STON2: variants seen among roughly 807,000 people sequenced by gnomAD.
The protein encoded by STON2 is stonin-2.
STON2 carries 29 observed loss-of-function variants against 65.7 expected under a neutral mutation model. The ratio of observed to expected loss-of-function variants is 0.44; its 90% confidence interval spans 0.33 to 0.60. The LOEUF (loss-of-function observed/expected upper bound fraction) is 0.60. Ranked by LOEUF, STON2 falls within the 20% of genes least tolerant of loss-of-function variation. The pLI, the probability that STON2 is intolerant of heterozygous loss-of-function variation, is 0.03. For missense variants in STON2, 1,054 were observed against 1,118.1 expected (o/e 0.94, Z 0.82); for synonymous variants, 404 against 414.2 (o/e 0.98, Z 0.30).
At chr14:81,433,890 T>G (rs1210969976) in intron 1 of STON2, among the ~76,000 whole-genome samples, 1 of 152,214 alleles carries the variant, frequency 6.6e-6, no homozygotes, top group African/African-American at 2.4e-5. Flanking sequence ...ACCGTTAAAC[T>G]GACTGTAACA....
Position 81,267,419 on chromosome 14 carries a change from T to C in STON2, c.*995A>G. 1.0e-6 allele frequency: 1 copy of C among 985,422 alleles called. No individual in the cohort carries two copies. Among genetic ancestry groups the C allele is most frequent in the Non-Finnish European group, 1.2e-6 (1 of 829,932 alleles). The allele number at this position is 985,422 out of a possible 1,614,324, so 61.0% of individuals were successfully genotyped here. A position where few individuals can be genotyped will look rare whatever the true frequency, so the allele number is the denominator to read the frequency against. The stretch of plus-strand genomic sequence containing the variant: ...TTTAAAACAGCTTTAAAAATTATCT[T>C]TGCAGCTTAAATTTCCTATAAAGTT... On this transcript the variant is annotated 3_prime_UTR_variant, in exon 8 of 8. Coordinates refer to ENST00000614646, the MANE Select transcript of STON2 (RefSeq NM_001394390.1).
intron 2 of STON2, among the ~76,000 whole-genome samples, chr14:81,405,371 T>C (rs947210016): frequency 1.3e-5 from 2 of 152,128 alleles, no homozygotes; most frequent in African/African-American, 4.8e-5. Context: ...AATATTTTCC[T>C]TTAGTTCTTT....
intron 2 of STON2, 114 bp downstream of exon 2, chr14:81,398,181 G>C (rs1900418557): frequency 1.5e-6 from 1 of 674,036 alleles, no homozygotes; most frequent in Non-Finnish European, 2.4e-6. Context: ...GTGAGAAACT[G>C]ACCCTTTTTT....
At chr14:81,379,169 G>C (rs973714385) in intron 3 of STON2, among the ~76,000 whole-genome samples, 26 of 152,136 alleles carry the variant, frequency 1.7e-4, no homozygotes, top group African/African-American at 5.3e-4. Context: ...ATGTTAGCAA[G>C]GTATGCTTGT....
chr14:81,288,425 T>C (rs1364564029), intron 5 of STON2, among the ~76,000 whole-genome samples: 6 of 152,308 alleles, frequency 3.9e-5, no homozygotes, highest in Non-Finnish European at 8.8e-5. Flanking sequence ...AGCCTATTGC[T>C]CCTAAGCTAC....
At chr14:81,377,199 C>T (rs1899293995) in intron 3 of STON2, among the ~76,000 whole-genome samples, 1 of 152,174 alleles carries the variant, frequency 6.6e-6, no homozygotes, top group African/African-American at 2.4e-5. Flanking sequence ...CTTTGACAAC[C>T]ACTAATCTGT....
At chr14:81,334,499 T>C (rs1266097742) in intron 4 of STON2, among the ~76,000 whole-genome samples, 1 of 152,188 alleles carries the variant, frequency 6.6e-6, no homozygotes, top group Non-Finnish European at 1.5e-5. Context: ...CCTTTTATTA[T>C]TCTGAAGGTG....
At chr14:81,430,399 C>T (rs771799222) in intron 1 of STON2, among the ~76,000 whole-genome samples, 3 of 152,232 alleles carry the variant, frequency 2.0e-5, no homozygotes, top group Admixed American at 6.5e-5. Flanking sequence ...CAATACCATT[C>T]AGATGAACAT....
Position 81,286,097 on chromosome 14 carries a change from G to A in STON2, c.743-7358C>T, listed in dbSNP as rs113255949. 3.7e-3 allele frequency among the ~76,000 whole-genome samples: 562 copies of A among 152,030 alleles called. 6 individuals carry two copies. The highest frequency in any genetic ancestry group is 0.013 in the African/African-American group (529 of 41,462). On this transcript the variant is annotated intron_variant, in intron 5 of 7. Coordinates refer to ENST00000614646, the MANE Select transcript of STON2 (RefSeq NM_001394390.1). ...CAGGAGGTGAAGGTTGCAGTGAGCC[G>A]AGACTGCGCCACTGCACTCCAGCCT... is the stretch of plus-strand genomic sequence containing the variant.
chr14:81,400,478 CAA>C (rs5810028), upstream of STON2, among the ~76,000 whole-genome samples: 4 of 96,708 alleles, frequency 4.1e-5, no homozygotes, highest in Non-Finnish European at 7.6e-5. Flanking sequence ...CAGCACCCGT[CAA>C]AAAAAAAAAA....
At chr14:81,370,803 T>C (rs1898948042) in intron 4 of STON2, among the ~76,000 whole-genome samples, 185 bp downstream of exon 4, 1 of 152,242 alleles carries the variant, frequency 6.6e-6, no homozygotes, top group African/African-American at 2.4e-5. Context: ...GGATCCAATT[T>C]GTGTATACAT....
rs972083441 is a variant in STON2 at position 81,268,380 on chromosome 14, C to T, written c.*34G>A. 2.3e-6 allele frequency: 3 copies of T among 1,288,862 alleles called. No homozygotes were observed. The highest frequency in any genetic ancestry group is 3.0e-6 in the Non-Finnish European group (3 of 988,558). 79.8% of individuals were successfully genotyped at this position (1,288,862 alleles called of 1,614,324 possible). A position where few individuals can be genotyped will look rare whatever the true frequency, so the allele number is the denominator to read the frequency against. On this transcript the variant is annotated 3_prime_UTR_variant, in exon 8 of 8. Transcript: ENST00000614646. Reference sequence around the variant, plus strand: ...GACTCAGGAAGACACCCTATCATGACTCTGGGATCAGGATTCCTTGCCGCA... The same window carrying T: ...GACTCAGGAAGACACCCTATCATGATTCTGGGATCAGGATTCCTTGCCGCA...
At chr14:81,335,117 C>A (rs999182617) in intron 4 of STON2, among the ~76,000 whole-genome samples, 6 of 151,922 alleles carry the variant, frequency 3.9e-5, no homozygotes, top group Non-Finnish European at 8.8e-5. Context: ...CCACCTGCTT[C>A]GGCCTCCCAA....
At chr14:81,389,640 C>T (rs937847475) in intron 3 of STON2, among the ~76,000 whole-genome samples, 1 of 152,228 alleles carries the variant, frequency 6.6e-6, no homozygotes, top group Non-Finnish European at 1.5e-5. Context: ...TGGCCCACAG[C>T]TAGGTGGCCA....
At chr14:81,393,466 C>T (rs1373517851) in intron 3 of STON2, among the ~76,000 whole-genome samples, 1 of 152,130 alleles carries the variant, frequency 6.6e-6, no homozygotes, top group Non-Finnish European at 1.5e-5. Context: ...ACAGGGCATC[C>T]GAAGGCTGCT....
intron 6 of STON2, among the ~76,000 whole-genome samples, chr14:81,272,613 A>T (rs1894645533): frequency 6.6e-6 from 1 of 152,222 alleles, no homozygotes; most frequent in Non-Finnish European, 1.5e-5. Context: ...TTCAGTGGTT[A>T]TTTCTAAAGA....
intron 5 of STON2, among the ~76,000 whole-genome samples, chr14:81,291,423 A>G (rs1895549666): frequency 2.0e-5 from 3 of 152,186 alleles, no homozygotes. Flanking sequence ...TCTGGTACTG[A>G]GAAATGTCTT....
chr14:81,357,441 C>T (rs1399039951), intron 4 of STON2, among the ~76,000 whole-genome samples: 13 of 151,582 alleles, frequency 8.6e-5, no homozygotes, highest in Non-Finnish European at 1.6e-4. Context: ...AACACTTTTA[C>T]ACTGTTGGTG....
chr14:81,282,559 C>T (rs1021641072), intron 5 of STON2, among the ~76,000 whole-genome samples: 1 of 151,980 alleles, frequency 6.6e-6, no homozygotes, highest in Admixed American at 6.6e-5. Flanking sequence ...ATAGAAAGTA[C>T]GTATGTATTA....
Sources: allele counts gnomAD v4.1 joint callset (sites outside exome capture counted in the v4.1 genomes callset), GRCh38; gene constraint gnomAD v4.1.1; transcripts MANE v1.5; gene names NCBI Gene and HGNC (gene_info 2026-07-23, HGNC 2026-07-21).